MACROD2: variants seen among roughly 807,000 people sequenced by gnomAD.
The protein encoded by MACROD2 is ADP-ribose glycohydrolase MACROD2.
In MACROD2, 36 loss-of-function variants were observed where a neutral mutation model predicts 70.4. The observed-to-expected ratio is 0.51, with a 90% CI of 0.39 to 0.68. The LOEUF (loss-of-function observed/expected upper bound fraction) is 0.68. MACROD2 is among the 30% of genes least tolerant of loss of function. The pLI is 0.00. For synonymous variants in MACROD2, 172 were observed against 178.8 expected (o/e 0.96, Z 0.30); for missense variants, 496 against 538.4 (o/e 0.92, Z 0.78).
intron 5 of MACROD2, among the ~76,000 whole-genome samples, chr20:15,186,509 C>T (rs1345080794): frequency 6.6e-6 from 1 of 152,086 alleles, no homozygotes; most frequent in African/African-American, 2.4e-5. Context: ...TTCTTCCGGA[C>T]TTAAGACAGC....
At chr20:14,044,781 A>G (rs1395270229) in intron 2 of MACROD2, among the ~76,000 whole-genome samples, 1 of 152,160 alleles carries the variant, frequency 6.6e-6, no homozygotes, top group Non-Finnish European at 1.5e-5. Flanking sequence ...TGGATCCCGC[A>G]CTGGGGCTGC....
intron 6 of MACROD2, among the ~76,000 whole-genome samples, chr20:15,354,061 T>C (rs2078258726): frequency 6.7e-6 from 1 of 149,880 alleles, no homozygotes; most frequent in East Asian, 2.0e-4. Flanking sequence ...GTATGTTTAT[T>C]GTGGCACTAT....
At chr20:14,409,428 T>TTTA (rs3043706) in intron 3 of MACROD2, among the ~76,000 whole-genome samples, 47,793 of 150,308 alleles carry the variant, frequency 0.32, 7,787 homozygotes, top group Admixed American at 0.4. Flanking sequence ...TTATTGGTAT[T>TTTA]TTATTATTAT....
chr20:14,506,048 G>A (rs1400907159), intron 4 of MACROD2, among the ~76,000 whole-genome samples: 1 of 152,126 alleles, frequency 6.6e-6, no homozygotes, highest in Non-Finnish European at 1.5e-5. Context: ...TGGGAGTGTT[G>A]GGGGGTGGGC....
intron 6 of MACROD2, among the ~76,000 whole-genome samples, chr20:15,309,205 G>GA (rs1322623575): frequency 2.6e-5 from 4 of 152,182 alleles, no homozygotes; most frequent in Non-Finnish European, 4.4e-5. Context: ...AACCAGTTGA[G>GA]AAAAATCTTA....
intron 6 of MACROD2, among the ~76,000 whole-genome samples, chr20:15,231,563 T>G (rs1167317820): frequency 1.4e-5 from 2 of 147,986 alleles, no homozygotes; most frequent in Admixed American, 6.7e-5. Flanking sequence ...TAATGACTTG[T>G]TTTTAAAAGC....
At chr20:14,432,290 C>A (rs772466136) in intron 3 of MACROD2, among the ~76,000 whole-genome samples, 2 of 152,082 alleles carry the variant, frequency 1.3e-5, no homozygotes, top group Non-Finnish European at 2.9e-5. Flanking sequence ...TTCCTCACTT[C>A]CTTTATGGGT....
At chr20:14,363,616 C>T (rs1427107537) in intron 3 of MACROD2, among the ~76,000 whole-genome samples, 1 of 151,404 alleles carries the variant, frequency 6.6e-6, no homozygotes, top group African/African-American at 2.4e-5. Flanking sequence ...GTCAGGATAT[C>T]GAGACCATCC....
chr20:14,548,779 G>A (rs1431932807), intron 4 of MACROD2, among the ~76,000 whole-genome samples: 1 of 151,236 alleles, frequency 6.6e-6, no homozygotes, highest in Non-Finnish European at 1.5e-5. Context: ...TAGAATGCTG[G>A]CAATTCACTG....
At chr20:14,272,083 C>T (rs6042637) in intron 3 of MACROD2, among the ~76,000 whole-genome samples, 94,851 of 151,798 alleles carry the variant, frequency 0.62, 31,205 homozygotes, top group Non-Finnish European at 0.74. Context: ...GGGTATTATC[C>T]GAGAGAACTT....
At chr20:14,843,907 T>C (rs761276577) in intron 5 of MACROD2, among the ~76,000 whole-genome samples, 5 of 152,074 alleles carry the variant, frequency 3.3e-5, no homozygotes, top group Non-Finnish European at 7.4e-5. Context: ...GCTTGCAACC[T>C]GCCAAGTACT....
At chr20:14,529,322 T>C (rs1175626341) in intron 4 of MACROD2, among the ~76,000 whole-genome samples, 2 of 152,210 alleles carry the variant, frequency 1.3e-5, no homozygotes, top group African/African-American at 4.8e-5. Flanking sequence ...AATATATAAT[T>C]AAGAACCCAG....
At chr20:15,547,784 G>C (rs578174798) in intron 8 of MACROD2, among the ~76,000 whole-genome samples, 15 of 152,268 alleles carry the variant, frequency 9.9e-5, no homozygotes, top group African/African-American at 3.6e-4. Flanking sequence ...CGAGCAGCTG[G>C]CCAAGACAGA....
At chr20:16,014,789 C>T (rs764728242) in intron 15 of MACROD2, among the ~76,000 whole-genome samples, 4 of 152,208 alleles carry the variant, frequency 2.6e-5, no homozygotes, top group Admixed American at 6.5e-5. Context: ...AGACCCCGCT[C>T]TCACCTCCCA....
At chr20:14,756,770 C>G (rs187950230) in intron 5 of MACROD2, among the ~76,000 whole-genome samples, 16 of 152,110 alleles carry the variant, frequency 1.1e-4, no homozygotes, top group African/African-American at 3.9e-4. Flanking sequence ...GCTCTGTGTC[C>G]CCACTCAGAT....
In MACROD2 at chr20:14,580,288, TAA is replaced by T. The variant is rs989166869; in HGVS notation, c.301+86781_301+86782del. 2.0e-4 allele frequency among the ~76,000 whole-genome samples: 30 copies of T among 152,302 alleles called. 1 individual carries two copies. The highest frequency in any genetic ancestry group is 7.2e-4 in the African/African-American group (30 of 41,568). ...GATCATCCCTGGGTAGTTATAGCAC[TAA>T]GAGTATTTTACTGTGTTTTAAGTTT... is the stretch of plus-strand genomic sequence containing the variant. On this transcript the variant is annotated intron_variant, in intron 4 of 17. Transcript: ENST00000684519.
At chr20:15,341,856 G>A (rs927110353) in intron 6 of MACROD2, among the ~76,000 whole-genome samples, 4 of 152,172 alleles carry the variant, frequency 2.6e-5, no homozygotes, top group African/African-American at 9.7e-5. Flanking sequence ...TTCAAGACCA[G>A]CCTAGACAAC....
At chr20:15,899,302 G>T (rs75996000) in intron 10 of MACROD2, among the ~76,000 whole-genome samples, 2 of 151,664 alleles carry the variant, frequency 1.3e-5, no homozygotes, top group Admixed American at 6.6e-5. Context: ...ACACATATGT[G>T]TGTACATATA....
chr20:14,769,662 T>A (rs2072139436), intron 5 of MACROD2, among the ~76,000 whole-genome samples: 1 of 152,098 alleles, frequency 6.6e-6, no homozygotes, highest in African/African-American at 2.4e-5. Context: ...AAGTTTGCCT[T>A]TTTCTCACCA....
Sources: allele counts gnomAD v4.1 joint callset (sites outside exome capture counted in the v4.1 genomes callset), GRCh38; gene constraint gnomAD v4.1.1; transcripts MANE v1.5; gene names NCBI Gene and HGNC (gene_info 2026-07-23, HGNC 2026-07-21).